Variants in KLHL32 observed in about 807,000 individuals in gnomAD.
The protein encoded by KLHL32 is kelch-like protein 32.
In KLHL32, 35 loss-of-function variants were observed where a neutral mutation model predicts 64.8. That is an observed-to-expected ratio of 0.54 (90% CI 0.41 to 0.72). KLHL32 has a LOEUF of 0.72. KLHL32 is among the 30% of genes least tolerant of loss of function. The pLI is 0.00. For synonymous variants in KLHL32, 259 were observed against 281.0 expected (o/e 0.92, Z 0.78); for missense variants, 589 against 768.5 (o/e 0.77, Z 2.76).
At chr6:97,014,855 T>C (rs1780926047) in intron 3 of KLHL32, among the ~76,000 whole-genome samples, 1 of 152,182 alleles carries the variant, frequency 6.6e-6, no homozygotes, top group Non-Finnish European at 1.5e-5. Context: ...AGAGCAAAGG[T>C]TGTGATATGG....
intron 3 of KLHL32, among the ~76,000 whole-genome samples, chr6:96,989,997 T>C (rs1040487506): frequency 5.9e-5 from 9 of 152,232 alleles, no homozygotes; most frequent in Non-Finnish European, 1.2e-4. Context: ...TATAATTTTA[T>C]TGTAATCCTT....
chr6:96,985,729 C>T (rs1776949276), intron 3 of KLHL32, among the ~76,000 whole-genome samples: 1 of 127,670 alleles, frequency 7.8e-6, no homozygotes, highest in African/African-American at 3.2e-5. Context: ...CCATCAGGTC[C>T]TTTAAGGACT....
chr6:97,085,460 A>G (rs1212690302), intron 6 of KLHL32, 119 bp downstream of exon 6: 12 of 819,626 alleles, frequency 1.5e-5, no homozygotes, highest in Non-Finnish European at 2.1e-5. Flanking sequence ...GAGTTGTTTT[A>G]GAAGTCATGC....
Position 97,139,419 on chromosome 6 carries a change from C to CAATT in KLHL32, c.*138_*141dup. On this transcript the variant is annotated 3_prime_UTR_variant, in exon 11 of 11. Coordinates refer to ENST00000369261, the MANE Select transcript of KLHL32 (RefSeq NM_052904.4). ...CGGATAAATTTAAGCAAAAAATGAA[C>CAATT]AATTTTCTAAAATACGTTATTGAAA... 1 of 735,510 alleles carries CAATT rather than the reference C, an allele frequency of 1.4e-6. No individual in the cohort carries two copies. The highest frequency in any genetic ancestry group is 3.1e-5 in the Admixed American group (1 of 32,134). The allele number at this position is 735,510 out of a possible 1,614,324, so 45.6% of individuals were successfully genotyped here.
At position 97,114,254 on chromosome 6, in the gene KLHL32, A is replaced by G; in HGVS notation, c.1099A>G (p.Thr367Ala). 2 of 1,614,072 alleles carry G rather than the reference A, an allele frequency of 1.2e-6. No individual in the cohort carries two copies. Among genetic ancestry groups the G allele is most frequent in the Non-Finnish European group, 1.7e-6 (2 of 1,180,018 alleles). ...HASGRTCAVR[T>A]ACRYDPRSNS... ...CAGTGGCCGGACGTGTGCTGTGAGGACTGCCTGTCGCTATGACCCCCGCAG... is the reference window on the plus strand; with the variant it reads ...CAGTGGCCGGACGTGTGCTGTGAGGGCTGCCTGTCGCTATGACCCCCGCAG... The change falls in exon 7 of 11, where the codon ACT becomes GCT. Residue 367 changes from threonine to alanine, a missense_variant. Around this residue, in one of 3 missense-constraint regions of KLHL32, gnomAD observed 226 missense variants for 353.2 expected, o/e 0.64. Transcript: ENST00000369261.
chr6:97,033,136 G>T (rs183722131), intron 3 of KLHL32, among the ~76,000 whole-genome samples: 11 of 152,180 alleles, frequency 7.2e-5, no homozygotes, highest in Admixed American at 6.5e-4. Context: ...TTAATAGACC[G>T]CAGTATAGTG....
chr6:96,966,903 C>T (rs779261946), intron 1 of KLHL32, 93 bp from the exon 2 acceptor site: 4 of 614,740 alleles, frequency 6.5e-6, no homozygotes, highest in Non-Finnish European at 1.2e-5. Context: ...AAGCTGTCTC[C>T]CTGGAATTCA....
chr6:96,898,190 A>C, the KLHL32 span, among the ~76,000 whole-genome samples: 1 of 152,242 alleles, frequency 6.6e-6, no homozygotes, highest in Non-Finnish European at 1.5e-5. Flanking sequence ...CCAGCATTGG[A>C]TAAGACTCCA....
chr6:96,953,250 G>A (rs73492902), intron 1 of KLHL32, among the ~76,000 whole-genome samples: 3,451 of 152,144 alleles, frequency 0.023, 88 homozygotes, highest in African/African-American at 0.064. Flanking sequence ...CTTTATTTAC[G>A]TCCATATTTC....
intron 1 of KLHL32, among the ~76,000 whole-genome samples, chr6:96,942,253 T>A (rs1771384406): frequency 6.6e-6 from 1 of 152,196 alleles, no homozygotes; most frequent in Admixed American, 6.6e-5. Flanking sequence ...GTGCTGCCCC[T>A]GTACTACTGC....
At chr6:96,985,651 C>G (rs1776935411) in intron 3 of KLHL32, among the ~76,000 whole-genome samples, 1 of 152,152 alleles carries the variant, frequency 6.6e-6, no homozygotes, top group Admixed American at 6.5e-5. Context: ...CCCTTTCTTC[C>G]AGTTGATCGA....
At chr6:96,899,864 G>T in the KLHL32 span, among the ~76,000 whole-genome samples, 2 of 152,350 alleles carry the variant, frequency 1.3e-5, no homozygotes, top group East Asian at 3.9e-4. Flanking sequence ...TGCTTAGAAT[G>T]AAGCTTCCAT....
chr6:97,053,834 C>G (rs1321008120), intron 4 of KLHL32, among the ~76,000 whole-genome samples: 5 of 151,784 alleles, frequency 3.3e-5, no homozygotes, highest in Non-Finnish European at 5.9e-5. Flanking sequence ...TATTTATATA[C>G]TATGCATTCA....
intron 6 of KLHL32, among the ~76,000 whole-genome samples, chr6:97,102,237 T>C (rs1485239861): frequency 6.6e-6 from 1 of 152,192 alleles, no homozygotes; most frequent in Non-Finnish European, 1.5e-5. Flanking sequence ...CAATTTGTGA[T>C]AGAAAAAAGC....
intron 2 of KLHL32, among the ~76,000 whole-genome samples, chr6:96,967,779 G>A (rs988418890): frequency 5.3e-5 from 8 of 152,122 alleles, no homozygotes; most frequent in South Asian, 4.1e-4. Flanking sequence ...GTGCTCTGAA[G>A]GAAAAGTACA....
chr6:96,920,696 G>A (rs1443518595), upstream of KLHL32, among the ~76,000 whole-genome samples: 1 of 152,020 alleles, frequency 6.6e-6, no homozygotes, highest in Non-Finnish European at 1.5e-5. Context: ...ATATCAGTCT[G>A]CAAGGATCTA....
At chr6:96,999,041 G>A (rs528281405) in intron 3 of KLHL32, among the ~76,000 whole-genome samples, 129 of 152,228 alleles carry the variant, frequency 8.5e-4, no homozygotes, top group African/African-American at 3.0e-3. Context: ...ATTTAAGGAG[G>A]CATCTAATAG....
At chr6:97,116,230 G>A (rs1451119763) in intron 7 of KLHL32, among the ~76,000 whole-genome samples, 1 of 152,186 alleles carries the variant, frequency 6.6e-6, no homozygotes, top group Admixed American at 6.5e-5. Context: ...AAGTATGTAT[G>A]TTAGTATATG....
chr6:96,968,006 G>A (rs978538698), intron 2 of KLHL32, among the ~76,000 whole-genome samples: 1 of 152,184 alleles, frequency 6.6e-6, no homozygotes, highest in Non-Finnish European at 1.5e-5. Flanking sequence ...CAAAGAATAA[G>A]AGAGATGACA....
Sources: allele counts gnomAD v4.1 joint callset (sites outside exome capture counted in the v4.1 genomes callset), GRCh38; gene constraint gnomAD v4.1.1; regional missense constraint gnomAD v4.1.1; transcripts MANE v1.5; gene names NCBI Gene and HGNC (gene_info 2026-07-23, HGNC 2026-07-21).